MAP4K4: variants seen among roughly 807,000 people sequenced by gnomAD.
The protein encoded by MAP4K4 is HPK/GCK-like kinase HGK.
Under a neutral mutation model 189.6 loss-of-function variants are expected in MAP4K4, and 38 were observed. The ratio of observed to expected loss-of-function variants is 0.20; its 90% confidence interval spans 0.15 to 0.26. MAP4K4 has a LOEUF of 0.26. Among genes scored for constraint, MAP4K4 ranks in the 10% least tolerant of loss-of-function variants. MAP4K4 has a pLI of 1.00. For missense variants in MAP4K4, 1,054 were observed against 1,726.9 expected, an observed-to-expected ratio of 0.61 and a Z score of 6.91; for synonymous variants, 610 against 624.3, an observed-to-expected ratio of 0.98 and a Z score of 0.34.
At chr2:101,803,047 A>G (rs138203402) in intron 3 of MAP4K4, among the ~76,000 whole-genome samples, 3 of 152,100 alleles carry the variant, frequency 2.0e-5, no homozygotes, top group African/African-American at 7.2e-5. Flanking sequence ...CAGCCTCCCA[A>G]AGTGCTGGGG....
intron 24 of MAP4K4, among the ~76,000 whole-genome samples, chr2:101,872,869 A>G (rs2098089141): frequency 1.3e-5 from 2 of 152,188 alleles, no homozygotes; most frequent in African/African-American, 2.4e-5. Context: ...TTATATTTAT[A>G]TTTTAAACTT....
Position 101,869,863 on chromosome 2 carries a change from C to T in MAP4K4, c.2639+66C>T, listed in dbSNP as rs9967842. The T allele has an allele frequency of 3.7e-3, 5,421 of 1,460,206 alleles. 175 individuals are homozygous for T. In the African/African-American group the frequency reaches 0.067, roughly 18 times the overall value. The allele number at this position is 1,460,206 out of a possible 1,614,324, so 90.5% of individuals were successfully genotyped here. On this transcript the variant is annotated intron_variant, in intron 22 of 32. Coordinates refer to ENST00000324219, the Ensembl canonical transcript of MAP4K4. ...CTCAGAGCCTGCTTTCCACTGGGAC[C>T]TAGTTGTTCCTAGACTATTCCGTGA...
chr2:101,847,847 T>C (rs2097156756), intron 12 of MAP4K4, among the ~76,000 whole-genome samples: 1 of 152,204 alleles, frequency 6.6e-6, no homozygotes, highest in South Asian at 2.1e-4. Flanking sequence ...CACCACTCAC[T>C]CACTGACTCA....
rs568413295 is a variant in MAP4K4, at chr2:101,858,267, C to T, written c.1396-729C>T. Reference sequence around the variant, plus strand: ...ATGCAGCTTTGAAGTAGGGTTTTACCCCTCTCTATAACATATTTGGGATGT... The same window carrying T: ...ATGCAGCTTTGAAGTAGGGTTTTACTCCTCTCTATAACATATTTGGGATGT... On this transcript the variant is annotated intron_variant, in intron 13 of 32. Transcript: ENST00000324219. 4.6e-5 allele frequency among the ~76,000 whole-genome samples: 7 copies of T among 152,192 alleles called. No individual in the cohort carries two copies. The East Asian group carries it at 1.2e-3, about 25-fold the overall frequency.
At chr2:101,804,031 G>A (rs750670996) in intron 3 of MAP4K4, among the ~76,000 whole-genome samples, 1 of 152,096 alleles carries the variant, frequency 6.6e-6, no homozygotes, top group South Asian at 2.1e-4. Context: ...TCAGCGTTGC[G>A]GGAAGCCAGG....
At chr2:101,823,854 G>C in intron 3 of MAP4K4, 74 bp from the exon 4 acceptor site, 1 of 1,273,896 alleles carries the variant, frequency 7.8e-7, no homozygotes, top group East Asian at 2.5e-5. Context: ...TTTCATTATT[G>C]TATGTAGTGT....
intron 2 of MAP4K4, among the ~76,000 whole-genome samples, chr2:101,756,040 A>T (rs1359676399): frequency 3.7e-5 from 5 of 135,628 alleles, no homozygotes; most frequent in African/African-American, 1.4e-4. Flanking sequence ...TCCCAGGTTT[A>T]CACCATTCTC....
At chr2:101,795,848 AAAC>A in intron 3 of MAP4K4, among the ~76,000 whole-genome samples, 1 of 152,288 alleles carries the variant, frequency 6.6e-6, no homozygotes, top group African/African-American at 2.4e-5. Flanking sequence ...GTTCCTGATA[AAAC>A]AACACATTTT....
At chr2:101,787,644 C>T (rs1487798574) in intron 2 of MAP4K4, among the ~76,000 whole-genome samples, 1 of 152,160 alleles carries the variant, frequency 6.6e-6, no homozygotes, top group Non-Finnish European at 1.5e-5. Context: ...GCTTCCTTAG[C>T]ACACAATTAT....
chr2:101,810,740 T>G (rs1559028787), intron 3 of MAP4K4, among the ~76,000 whole-genome samples: 1 of 152,242 alleles, frequency 6.6e-6, no homozygotes, highest in Admixed American at 6.5e-5. Flanking sequence ...GTTCTAAGAC[T>G]TACAGAACTT....
chr2:101,787,129 A>G (rs1310268050), intron 2 of MAP4K4, among the ~76,000 whole-genome samples: 1 of 152,198 alleles, frequency 6.6e-6, no homozygotes, highest in African/African-American at 2.4e-5. Context: ...CCTGTTAAAT[A>G]TTAAGTTCAG....
At chr2:101,865,859 G>A (rs1415186662) in intron 18 of MAP4K4, among the ~76,000 whole-genome samples, 1 of 152,166 alleles carries the variant, frequency 6.6e-6, no homozygotes, top group Non-Finnish European at 1.5e-5. Context: ...CTAATGGCAG[G>A]GGGACTGTGG....
intron 27 of MAP4K4, among the ~76,000 whole-genome samples, chr2:101,879,809 T>C (rs1047349843): frequency 2.6e-4 from 40 of 151,464 alleles, no homozygotes; most frequent in Admixed American, 2.0e-3. Flanking sequence ...TAAAACAGTA[T>C]GTGTTCTAGT....
intron 27 of MAP4K4, among the ~76,000 whole-genome samples, chr2:101,881,777 A>T (rs2098398580): frequency 6.6e-6 from 1 of 152,142 alleles, no homozygotes; most frequent in Admixed American, 6.5e-5. Flanking sequence ...GCATCTGTTG[A>T]TATGATCATA....
At chr2:101,722,440 A>C (rs1243873003) in intron 2 of MAP4K4, among the ~76,000 whole-genome samples, 1 of 152,174 alleles carries the variant, frequency 6.6e-6, no homozygotes, top group Non-Finnish European at 1.5e-5. Flanking sequence ...CAATTTTGGG[A>C]AGCAGATTCA....
intron 2 of MAP4K4, among the ~76,000 whole-genome samples, chr2:101,745,972 T>G (rs1043368145): frequency 9.6e-5 from 14 of 146,496 alleles, no homozygotes; most frequent in African/African-American, 3.4e-4. Context: ...CCTGTTTCCT[T>G]TGTGTGTGTG....
chr2:101,805,682 T>C (rs1299959922), intron 3 of MAP4K4, among the ~76,000 whole-genome samples: 1 of 152,230 alleles, frequency 6.6e-6, no homozygotes, highest in African/African-American at 2.4e-5. Flanking sequence ...AATATCCACT[T>C]ATTTTCTGAC....
intron 3 of MAP4K4, among the ~76,000 whole-genome samples, chr2:101,813,378 G>A (rs1374128820): frequency 2.0e-5 from 3 of 152,132 alleles, no homozygotes; most frequent in African/African-American, 4.8e-5. Flanking sequence ...AGCTGTAGCC[G>A]GGACCTGCAG....
intron 14 of MAP4K4, among the ~76,000 whole-genome samples, 186 bp downstream of exon 14, chr2:101,859,268 T>G (rs889945170): frequency 6.6e-6 from 1 of 152,238 alleles, no homozygotes; most frequent in African/African-American, 2.4e-5. Context: ...TATTTATATC[T>G]CTTTAATAAG....
Sources: allele counts gnomAD v4.1 joint callset (sites outside exome capture counted in the v4.1 genomes callset), GRCh38; gene constraint gnomAD v4.1.1; transcripts MANE v1.5; gene names NCBI Gene and HGNC (gene_info 2026-07-23, HGNC 2026-07-21).